IKZF3: variants seen among roughly 807,000 people sequenced by gnomAD.
IKZF3 encodes the protein IKAROS family zinc finger 3.
IKZF3 carries 10 observed loss-of-function variants against 49.0 expected under a neutral mutation model. The observed-to-expected ratio is 0.20, with a 90% confidence interval of 0.13 to 0.35. IKZF3 has a LOEUF of 0.35. IKZF3 is among the 10% of genes least tolerant of loss of function. The pLI, the probability that IKZF3 is intolerant of heterozygous loss-of-function variation, is 1.00. For synonymous variants in IKZF3, 209 were observed against 228.2 expected (o/e 0.92, Z 0.76); for missense variants, 498 against 664.8 (o/e 0.75, Z 2.76).
intron 1 of IKZF3, among the ~76,000 whole-genome samples, chr17:39,861,522 C>T (rs188501137): frequency 3.9e-5 from 6 of 152,260 alleles, no homozygotes; most frequent in African/African-American, 1.4e-4. Flanking sequence ...TCTACCAGGA[C>T]GCCACGGCCT....
chr17:39,766,341 G>A lies in IKZF3; in HGVS notation c.979C>T (p.Pro327Ser). ...ACCATCTCCGAGGTGGGAGCAGGCG[G>A]TGTCTGGACCAAGGGGCGCAGGGCT... is the stretch of plus-strand genomic sequence containing the variant. ...AEALRPLVQT[P>S]PAPTSEMVPV... Residue 327 changes from proline to serine, a missense_variant, in exon 8 of 8, where the codon CCG becomes TCG. This residue lies in a region of IKZF3 where 317 missense variants were observed against 397.3 expected (regional missense o/e 0.80). Transcript: ENST00000346872. 1 of 1,614,212 alleles carries A rather than the reference G, an allele frequency of 6.2e-7. No homozygotes were observed. Among genetic ancestry groups the A allele is most frequent in the Non-Finnish European group, 8.5e-7 (1 of 1,180,042 alleles).
intron 6 of IKZF3, among the ~76,000 whole-genome samples, chr17:39,781,803 C>T (rs190879815): frequency 6.6e-6 from 1 of 152,332 alleles, no homozygotes; most frequent in Admixed American, 6.5e-5. Context: ...TCGTTACCCA[C>T]CAAACTGGTC....
chr17:39,854,519 C>A (rs893950421), intron 1 of IKZF3, among the ~76,000 whole-genome samples: 1 of 152,058 alleles, frequency 6.6e-6, no homozygotes, highest in Non-Finnish European at 1.5e-5. Context: ...CATGTTTGAA[C>A]ATAAAATGGA....
At chr17:39,789,971 G>A (rs1436274063) in intron 5 of IKZF3, among the ~76,000 whole-genome samples, 4 of 151,880 alleles carry the variant, frequency 2.6e-5, no homozygotes, top group South Asian at 2.1e-4. Flanking sequence ...TAAGATGAAG[G>A]AAAGGTTTCA....
rs1432040265 is a variant in IKZF3, at chr17:39,758,003, G to C, written c.*7787C>G. On this transcript the variant is annotated 3_prime_UTR_variant, in exon 8 of 8. Coordinates refer to ENST00000346872, the MANE Select transcript of IKZF3 (RefSeq NM_012481.5). ...GATGAGAGGAGAGGCTGTGAGCACA[G>C]GCTGTGTCAAAACCCAGGGCAAGGG... 2 of 152,170 alleles carry C rather than the reference G, an allele frequency of 1.3e-5. No individual in the cohort carries two copies. Among genetic ancestry groups the C allele is most frequent in the Admixed American group, 6.5e-5 (1 of 15,278 alleles). 9.4% of individuals were successfully genotyped at this position (152,170 alleles called of 1,614,324 possible).
intron 2 of IKZF3, among the ~76,000 whole-genome samples, chr17:39,831,318 G>A (rs2144304356): frequency 6.8e-6 from 1 of 147,990 alleles, no homozygotes; most frequent in East Asian, 2.0e-4. Context: ...AGGTTGTGGT[G>A]AGCCGAGATC....
At position 39,777,990 on chromosome 17, in the gene IKZF3, C is replaced by T. The variant is rs1295761571; in HGVS notation, c.710-223G>A. 9.1e-6 allele frequency: 11 copies of T among 1,210,824 alleles called. No individual in the cohort carries two copies. The South Asian group carries it at 2.0e-4, about 22-fold the overall frequency. 75.0% of individuals were successfully genotyped at this position (1,210,824 alleles called of 1,614,324 possible). ...AGTCTTATGCCGAGATGGGAAAGCT[C>T]GACCCATCCCCAACCAGTACCTTCA... is the stretch of plus-strand genomic sequence containing the variant. On this transcript the variant is annotated intron_variant, in intron 6 of 7. Coordinates refer to ENST00000346872, the MANE Select transcript of IKZF3 (RefSeq NM_012481.5).
chr17:39,788,980 C>T (rs1235426051), intron 5 of IKZF3, among the ~76,000 whole-genome samples: 1 of 152,132 alleles, frequency 6.6e-6, no homozygotes, highest in African/African-American at 2.4e-5. Flanking sequence ...CTCTATCACC[C>T]AGGCTTGGGT....
Position 39,853,720 on chromosome 17 carries a change from AG to A in IKZF3, c.7+10399del, listed in dbSNP as rs560036437. Reference sequence around the variant, plus strand: ...CGTGGTGGCACATGCCTGTAACCCCAGCTACTCGGGAGGCTGAGGTAGGAGA... The same window carrying A: ...CGTGGTGGCACATGCCTGTAACCCCACTACTCGGGAGGCTGAGGTAGGAGA... On this transcript the variant is annotated intron_variant, in intron 1 of 7. Transcript: ENST00000346872. 2.0e-3 allele frequency among the ~76,000 whole-genome samples: 303 copies of A among 152,022 alleles called. 1 individual carries two copies. Among genetic ancestry groups the A allele is most frequent in the African/African-American group, 6.6e-3 (274 of 41,426 alleles).
intron 1 of IKZF3, among the ~76,000 whole-genome samples, chr17:39,837,554 A>G (rs1205653592): frequency 1.3e-5 from 2 of 151,732 alleles, no homozygotes; most frequent in African/African-American, 2.4e-5. Flanking sequence ...GGATTAGAGG[A>G]TAAACCACCA....
At chr17:39,849,020 C>CA (rs1279149565) in intron 1 of IKZF3, among the ~76,000 whole-genome samples, 1 of 151,860 alleles carries the variant, frequency 6.6e-6, no homozygotes. Flanking sequence ...CACTTAGTCA[C>CA]AAAAAAGAAG....
chr17:39,823,420 G>A (rs2061864566), intron 3 of IKZF3, among the ~76,000 whole-genome samples: 1 of 152,236 alleles, frequency 6.6e-6, no homozygotes, highest in Admixed American at 6.5e-5. Flanking sequence ...CAATGTGATA[G>A]AAAAGAAAAA....
chr17:39,843,154 G>C (rs1442096515), intron 1 of IKZF3, among the ~76,000 whole-genome samples: 1 of 152,122 alleles, frequency 6.6e-6, no homozygotes, highest in Non-Finnish European at 1.5e-5. Flanking sequence ...ATATCTTGTG[G>C]TAAAGAACAT....
chr17:39,798,751 G>A (rs1399456849), intron 3 of IKZF3, among the ~76,000 whole-genome samples: 1 of 151,814 alleles, frequency 6.6e-6, no homozygotes, highest in Non-Finnish European at 1.5e-5. Flanking sequence ...GTGATCCGCC[G>A]GCCTCGGCCT....
At chr17:39,826,235 G>A (rs1281828711) in intron 3 of IKZF3, among the ~76,000 whole-genome samples, 2 of 152,110 alleles carry the variant, frequency 1.3e-5, no homozygotes, top group African/African-American at 2.4e-5. Flanking sequence ...TAGAGACGAG[G>A]TCTCACTATA....
At chr17:39,856,087 T>A (rs1330259226) in intron 1 of IKZF3, among the ~76,000 whole-genome samples, 1 of 150,146 alleles carries the variant, frequency 6.7e-6, no homozygotes, top group Non-Finnish European at 1.5e-5. Context: ...ATATGTACAA[T>A]ATAACATGTA....
At position 39,864,138 on chromosome 17, in the gene IKZF3, G is replaced by T. The variant is rs751427482; in HGVS notation, c.-12C>A. Reference sequence around the variant, plus strand: ...GGCTCACCTTCCATGTCGCTGCCGGGCCGGGCTGGAGCTGCCGCTGTGGCT... The same window carrying T: ...GGCTCACCTTCCATGTCGCTGCCGGTCCGGGCTGGAGCTGCCGCTGTGGCT... On this transcript the variant is annotated 5_prime_UTR_variant, in exon 1 of 8. Coordinates refer to ENST00000346872, the MANE Select transcript of IKZF3 (RefSeq NM_012481.5). The T allele has an allele frequency of 6.2e-7, 1 of 1,612,500 alleles. No homozygotes were observed. Among genetic ancestry groups the T allele is most frequent in the Admixed American group, 1.7e-5 (1 of 59,978 alleles).
At chr17:39,793,862 A>T (rs2061094444) in intron 3 of IKZF3, among the ~76,000 whole-genome samples, 1 of 152,246 alleles carries the variant, frequency 6.6e-6, no homozygotes, top group Non-Finnish European at 1.5e-5. Context: ...ACGTGGGAAA[A>T]ATATGAAGAA....
chr17:39,829,338 T>C (rs2062041534), intron 3 of IKZF3, 49 bp downstream of exon 3: 1 of 1,314,984 alleles, frequency 7.6e-7, no homozygotes, highest in African/African-American at 1.4e-5. Context: ...ACACTAAGCC[T>C]AAGCAATATC....
Sources: allele counts gnomAD v4.1 joint callset (sites outside exome capture counted in the v4.1 genomes callset), GRCh38; gene constraint gnomAD v4.1.1; regional missense constraint gnomAD v4.1.1; transcripts MANE v1.5; gene names NCBI Gene and HGNC (gene_info 2026-07-23, HGNC 2026-07-21).